The following MTR variants were observed in gnomAD, a reference collection of about 807,000 sequenced individuals.
MTR encodes the protein methionine synthase.
A neutral mutation model predicts 154.8 loss-of-function variants in MTR; 84 were observed. The ratio of observed to expected loss-of-function variants is 0.54; its 90% confidence interval spans 0.45 to 0.65. The LOEUF is 0.65. Among genes scored for constraint, MTR ranks in the 30% least tolerant of loss-of-function variants. The pLI, the probability that MTR is intolerant of heterozygous loss-of-function variation, is 0.00. For synonymous variants in MTR, 554 were observed against 553.9 expected (o/e 1.00, Z 0.00); for missense variants, 1,275 against 1,570.2 (o/e 0.81, Z 3.18).
chr1:236,817,127 A>G (rs1661640198), intron 8 of MTR, among the ~76,000 whole-genome samples: 1 of 152,232 alleles, frequency 6.6e-6, no homozygotes, highest in Non-Finnish European at 1.5e-5. Flanking sequence ...CTGCTTAAAA[A>G]TAACTCCCTA....
rs1015638809 is a variant in MTR, at chr1:236,822,992, A to C, written c.765-1127A>C. 3.9e-5 allele frequency among the ~76,000 whole-genome samples: 6 copies of C among 152,302 alleles called. No individual in the cohort carries two copies. In the South Asian group the frequency reaches 1.2e-3, roughly 32 times the overall value. On this transcript the variant is annotated intron_variant, in intron 8 of 32. Coordinates refer to ENST00000366577, the MANE Select transcript of MTR (RefSeq NM_000254.3). ...TTTTGTAGATACTCTTTATCAAGTC[A>C]AGGAAATTTCCCCCTATTCCTAGTT...
Position 236,824,226 on chromosome 1 carries a change from G to A in MTR, c.865+7G>A. ...CTCTGTTATCCCAATGCAGGTGTGT[G>A]TTTCAAGGGGGTCACACATGGGGAG... On this transcript the variant is annotated splice_region_variant and intron_variant, in intron 9 of 32. Coordinates refer to ENST00000366577, the MANE Select transcript of MTR (RefSeq NM_000254.3). 1.9e-6 allele frequency: 3 copies of A among 1,600,698 alleles called. No homozygotes were observed. The highest frequency in any genetic ancestry group is 2.6e-6 in the Non-Finnish European group (3 of 1,167,732).
rs776257249 is a variant in MTR at position 236,838,575 on chromosome 1, C to T, written c.1491C>T (p.Val497=). The T allele has an allele frequency of 1.2e-6, 2 of 1,614,068 alleles. No individual in the cohort carries two copies. Among genetic ancestry groups the T allele is most frequent in the South Asian group, 2.2e-5 (2 of 91,034 alleles). The stretch of plus-strand genomic sequence containing the variant: ...AAAAGTATGGAGCTGCTATGGTGGT[C>T]ATGGCTTTTGATGAAGAAGGACAGG... ...KIKKYGAAMV[V]MAFDEEGQAT... The change falls in exon 15 of 33, where the codon GTC becomes GTT. Residue 497 remains valine, a synonymous_variant. Coordinates refer to ENST00000366577, the MANE Select transcript of MTR (RefSeq NM_000254.3).
At chr1:236,844,862 A>G (rs1243425429) in intron 15 of MTR, among the ~76,000 whole-genome samples, 3 of 152,186 alleles carry the variant, frequency 2.0e-5, no homozygotes, top group East Asian at 3.9e-4. Context: ...AGTGCAAAGC[A>G]GACTCACTCT....
chr1:236,850,216 G>A (rs1186428913), intron 15 of MTR, 128 bp from the exon 16 acceptor site: 1 of 542,740 alleles, frequency 1.8e-6, no homozygotes, highest in East Asian at 5.3e-5. Flanking sequence ...AGTGAAATGT[G>A]CTCTAATGTA....
In MTR at chr1:236,810,543, T is replaced by C. The variant is rs1661234823; in HGVS notation, c.450T>C (p.Asn150=). 1.2e-6 allele frequency: 2 copies of C among 1,613,912 alleles called. No individual in the cohort carries two copies. The highest frequency in any genetic ancestry group is 4.5e-5 in the East Asian group (2 of 44,860). ...TGGCAGGGGCTCTGGGTCCGACTAATAAGACACTCTCTGTGTCCCCATCTG... is the reference window on the plus strand; with the variant it reads ...TGGCAGGGGCTCTGGGTCCGACTAACAAGACACTCTCTGTGTCCCCATCTG... ...RFVAGALGPT[N]KTLSVSPSVE... The change falls in exon 5 of 33, where the codon AAT becomes AAC. Residue 150 remains asparagine (N), a synonymous_variant. Transcript: ENST00000366577.
At chr1:236,862,432 G>A in intron 21 of MTR, 89 bp downstream of exon 21, 3 of 1,040,530 alleles carry the variant, frequency 2.9e-6, no homozygotes, top group South Asian at 2.5e-5. Flanking sequence ...GTCAGGGTTG[G>A]CTGTGTTCGT....
intron 1 of MTR, among the ~76,000 whole-genome samples, chr1:236,801,484 T>C (rs1218809545): frequency 6.6e-6 from 1 of 152,216 alleles, no homozygotes; most frequent in Non-Finnish European, 1.5e-5. Context: ...TACTTGAGAC[T>C]CTGGACAGTA....
chr1:236,797,465 T>A (rs1253790016), intron 1 of MTR, among the ~76,000 whole-genome samples: 2 of 152,150 alleles, frequency 1.3e-5, no homozygotes, highest in African/African-American at 4.8e-5. Context: ...TGCTTAGGAC[T>A]GTGAGTGTTA....
intron 3 of MTR, among the ~76,000 whole-genome samples, chr1:236,806,451 C>A (rs1660991285): frequency 6.6e-6 from 1 of 152,132 alleles, no homozygotes; most frequent in Non-Finnish European, 1.5e-5. Flanking sequence ...AAGTAATAAT[C>A]AAATATAAAT....
At chr1:236,842,899 A>C (rs772366371) in intron 15 of MTR, among the ~76,000 whole-genome samples, 4 of 151,818 alleles carry the variant, frequency 2.6e-5, no homozygotes, top group Non-Finnish European at 2.9e-5. Flanking sequence ...TAGCCTGGCC[A>C]ACATGGTGAA....
rs1203014746 is a variant in MTR, at chr1:236,819,648, C to G, written c.764+3105C>G. The G allele has an allele frequency of 1.4e-5, 8 of 576,734 alleles. No homozygotes were observed. In the African/African-American group the frequency reaches 1.5e-4, roughly 11 times the overall value. The allele number at this position is 576,734 out of a possible 1,614,324, so 35.7% of individuals were successfully genotyped here. ...GGAAACTTTCACAATGTCCAGAGCCCCTGATGTCCTGCAAATGAAAGAGGA... is the reference window on the plus strand; with the variant it reads ...GGAAACTTTCACAATGTCCAGAGCCGCTGATGTCCTGCAAATGAAAGAGGA... On this transcript the variant is annotated intron_variant, in intron 8 of 32. Coordinates refer to ENST00000366577, the MANE Select transcript of MTR (RefSeq NM_000254.3).
chr1:236,896,324 G>A (rs1666621541), intron 31 of MTR, among the ~76,000 whole-genome samples: 1 of 152,212 alleles, frequency 6.6e-6, no homozygotes, highest in Non-Finnish European at 1.5e-5. Flanking sequence ...AAGGCATCCA[G>A]ATTTAAGTGA....
chr1:236,867,494 C>T (rs1016202298), intron 22 of MTR, among the ~76,000 whole-genome samples: 2 of 152,156 alleles, frequency 1.3e-5, no homozygotes, highest in African/African-American at 4.8e-5. Context: ...TTCATGCCTG[C>T]TAACACAACA....
intron 18 of MTR, among the ~76,000 whole-genome samples, chr1:236,857,358 CA>C (rs979756189): frequency 6.6e-6 from 1 of 152,226 alleles, no homozygotes; most frequent in African/African-American, 2.4e-5. Flanking sequence ...AGGCCTCCAT[CA>C]AGGACTATTA....
At chr1:236,870,618 G>A (rs1236175351) in intron 22 of MTR, among the ~76,000 whole-genome samples, 2 of 152,098 alleles carry the variant, frequency 1.3e-5, no homozygotes, top group Non-Finnish European at 1.5e-5. Context: ...CGTCTCATTC[G>A]TTTTGTGACT....
intron 27 of MTR, among the ~76,000 whole-genome samples, chr1:236,888,265 G>A (rs1425299854): frequency 2.0e-5 from 3 of 152,168 alleles, no homozygotes; most frequent in African/African-American, 7.2e-5. Flanking sequence ...CAACACCTTA[G>A]ACTCCAGCCT....
At chr1:236,867,641 A>T (rs1664892497) in intron 22 of MTR, among the ~76,000 whole-genome samples, 1 of 152,212 alleles carries the variant, frequency 6.6e-6, no homozygotes, top group African/African-American at 2.4e-5. Flanking sequence ...TCACCATTCT[A>T]GATGCCATTA....
Position 236,902,194 on chromosome 1 carries a change from G to C in MTR, c.*4550G>C, listed in dbSNP as rs1422010732. 3 of 152,248 alleles carry C rather than the reference G, an allele frequency of 2.0e-5. No individual in the cohort carries two copies. Among genetic ancestry groups the C allele is most frequent in the Non-Finnish European group, 4.4e-5 (3 of 68,190 alleles). 9.4% of individuals were successfully genotyped at this position (152,248 alleles called of 1,614,324 possible). On this transcript the variant is annotated 3_prime_UTR_variant, in exon 33 of 33. Coordinates refer to ENST00000366577, the MANE Select transcript of MTR (RefSeq NM_000254.3). ...ATGTCTGACCCTGCCTCATGTCTTG[G>C]AAGCCCTAGACTGCTGCTGTACCCT...
Sources: gnomAD v4.1 joint callset for allele counts (sites outside exome capture counted in the v4.1 genomes callset) on GRCh38, gnomAD v4.1.1 for gene constraint, MANE v1.5 for transcripts, NCBI Gene and HGNC (gene_info 2026-07-23, HGNC 2026-07-21) for gene names.